Variants in FBXO34 observed in about 807,000 individuals in gnomAD.
FBXO34 encodes the protein F-box protein 34.
Under a neutral mutation model 24.5 loss-of-function variants are expected in FBXO34, and 12 were observed. The observed-to-expected ratio is 0.49, with a 90% confidence interval of 0.31 to 0.79. The LOEUF (loss-of-function observed/expected upper bound fraction) is 0.79. Ranked by LOEUF, FBXO34 falls within the 30% of genes least tolerant of loss-of-function variation. The pLI, the probability that FBXO34 is intolerant of heterozygous loss-of-function variation, is 0.04. For missense variants in FBXO34, 823 were observed against 857.7 expected (o/e 0.96, Z 0.51); for synonymous variants, 320 against 311.9 (o/e 1.03, Z -0.27).
the FBXO34 span, among the ~76,000 whole-genome samples, chr14:55,401,456 G>A: frequency 6.6e-6 from 1 of 151,984 alleles, no homozygotes; most frequent in African/African-American, 2.4e-5. Context: ...AAAGAAATCT[G>A]CCAGTGAACC....
At chr14:55,340,593 A>C (rs1883959713) in intron 1 of FBXO34, among the ~76,000 whole-genome samples, 1 of 152,058 alleles carries the variant, frequency 6.6e-6, no homozygotes, top group Non-Finnish European at 1.5e-5. Flanking sequence ...CCCTGGGGTC[A>C]AGCCATTTTA....
chr14:55,275,310 A>G (rs1276958338), intron 1 of FBXO34, among the ~76,000 whole-genome samples: 1 of 152,220 alleles, frequency 6.6e-6, no homozygotes, highest in Non-Finnish European at 1.5e-5. Flanking sequence ...TAAATATGAA[A>G]CTAAGTGCTA....
intron 1 of FBXO34, among the ~76,000 whole-genome samples, chr14:55,327,388 T>A (rs892501089): frequency 9.2e-5 from 14 of 152,154 alleles, no homozygotes; most frequent in African/African-American, 3.4e-4. Context: ...TTTTATAAGA[T>A]CACTCTGCCT....
At chr14:55,299,237 G>C in intron 1 of FBXO34, 2 of 843,994 alleles carry the variant, frequency 2.4e-6, no homozygotes, top group Admixed American at 3.4e-5. Context: ...GGAAGACGAC[G>C]ACATGAAGGA....
chr14:55,309,499 G>A (rs1405544033), intron 1 of FBXO34, among the ~76,000 whole-genome samples: 3 of 152,166 alleles, frequency 2.0e-5, no homozygotes, highest in Non-Finnish European at 4.4e-5. Flanking sequence ...CATTTGAGGG[G>A]TTAGGAGAAG....
the FBXO34 span, among the ~76,000 whole-genome samples, chr14:55,389,933 G>A: frequency 6.6e-6 from 1 of 152,042 alleles, no homozygotes; most frequent in Admixed American, 6.5e-5. Flanking sequence ...GATTAATACA[G>A]ATTACAATGT....
At chr14:55,289,731 AGAGACAGAGTCTTACTTT>A (rs2139673408) in intron 1 of FBXO34, among the ~76,000 whole-genome samples, 1 of 152,116 alleles carries the variant, frequency 6.6e-6, no homozygotes, top group African/African-American at 2.4e-5. Flanking sequence ...TTATTTTTGT[AGAGACAGAGTCTTACTTT>A]GTTGCCCAGG....
intron 1 of FBXO34, among the ~76,000 whole-genome samples, chr14:55,304,841 G>A (rs965351184): frequency 2.6e-5 from 4 of 152,090 alleles, no homozygotes; most frequent in Non-Finnish European, 5.9e-5. Context: ...TAGGTTTGGA[G>A]CTCTATGAAA....
the FBXO34 span, chr14:55,377,716 G>T: frequency 2.7e-6 from 2 of 741,810 alleles, no homozygotes; most frequent in Non-Finnish European, 4.3e-6. Context: ...TGTCCGGTTT[G>T]AGGAGTTTGG....
At chr14:55,428,779 C>T in the FBXO34 span, 62 of 1,578,098 alleles carry the variant, frequency 3.9e-5, no homozygotes, top group Non-Finnish European at 5.1e-5. Flanking sequence ...TTGGTAAATT[C>T]AAAGTTCAAG....
chr14:55,382,183 G>C, the FBXO34 span: 1 of 1,614,168 alleles, frequency 6.2e-7, no homozygotes, highest in East Asian at 2.2e-5. Flanking sequence ...AGACACATCT[G>C]CGGGGTCTCT....
intron 1 of FBXO34, among the ~76,000 whole-genome samples, chr14:55,321,759 A>C (rs1303764156): frequency 2.0e-5 from 3 of 152,170 alleles, no homozygotes; most frequent in Non-Finnish European, 4.4e-5. Context: ...GTAGGTTTTC[A>C]TCTGTCGAAT....
At chr14:55,396,852 C>CA in the FBXO34 span, among the ~76,000 whole-genome samples, 2 of 151,858 alleles carry the variant, frequency 1.3e-5, no homozygotes, top group Non-Finnish European at 2.9e-5. Flanking sequence ...CATTCCCCCC[C>CA]ACAAAAAAAA....
At chr14:55,415,754 T>C in the FBXO34 span, among the ~76,000 whole-genome samples, 1 of 151,624 alleles carries the variant, frequency 6.6e-6, no homozygotes, top group Non-Finnish European at 1.5e-5. Context: ...TCATCCTAGC[T>C]ATTTGGGAGG....
chr14:55,379,275 C>A, the FBXO34 span, among the ~76,000 whole-genome samples: 1 of 152,098 alleles, frequency 6.6e-6, no homozygotes, highest in Non-Finnish European at 1.5e-5. Context: ...GTGGTTCATG[C>A]CTGTAATCCC....
the FBXO34 span, among the ~76,000 whole-genome samples, chr14:55,439,625 T>C: frequency 1.3e-3 from 67 of 52,144 alleles, no homozygotes; most frequent in East Asian, 4.3e-3. Context: ...CCCCCCCCCG[T>C]CTCTACTAAA....
At chr14:55,311,806 C>A (rs967864366) in intron 1 of FBXO34, among the ~76,000 whole-genome samples, 6 of 151,940 alleles carry the variant, frequency 3.9e-5, no homozygotes, top group African/African-American at 1.4e-4. Context: ...CAGCTCACTG[C>A]AACCTCCACC....
chr14:55,379,827 A>G, the FBXO34 span, among the ~76,000 whole-genome samples: 1 of 152,228 alleles, frequency 6.6e-6, no homozygotes, highest in African/African-American at 2.4e-5. Context: ...GATTCAAGCG[A>G]TTCTTCTGCC....
chr14:55,427,986 C>T, the FBXO34 span, among the ~76,000 whole-genome samples: 2 of 149,970 alleles, frequency 1.3e-5, no homozygotes, highest in Non-Finnish European at 3.0e-5. Context: ...CGCCATTCTC[C>T]TGCCTCAGCC....
Sources: gnomAD v4.1 joint callset for allele counts (sites outside exome capture counted in the v4.1 genomes callset) on GRCh38, gnomAD v4.1.1 for gene constraint, MANE v1.5 for transcripts, NCBI Gene and HGNC (gene_info 2026-07-23, HGNC 2026-07-21) for gene names.